The following CACNA1D variants were observed in gnomAD, a reference collection of about 807,000 sequenced individuals.
CACNA1D encodes the protein voltage-dependent L-type calcium channel subunit alpha-1D.
CACNA1D carries 55 observed loss-of-function variants against 257.1 expected under a neutral mutation model. That is an observed-to-expected ratio of 0.21 (90% CI 0.17 to 0.27). CACNA1D has a LOEUF of 0.27. Ranked by LOEUF, CACNA1D falls within the 10% of genes least tolerant of loss-of-function variation. The pLI is 1.00. For synonymous variants in CACNA1D, 980 were observed against 1,014.9 expected (o/e 0.97, Z 0.65); for missense variants, 1,876 against 2,784.0 (o/e 0.67, Z 7.34).
At chr3:53,753,795 T>C in intron 29 of CACNA1D, 113 bp downstream of exon 29, 1 of 735,274 alleles carries the variant, frequency 1.4e-6, no homozygotes. Context: ...GGCCGCTAAC[T>C]GGGTTACCAC....
Position 53,737,643 on chromosome 3 carries a change from C to T in CACNA1D, c.2751+2140C>T, listed in dbSNP as rs1487514540. ...TTCAAGACCTGCCTGGCCAACATGG[C>T]GAAACCCCATCTCTACTAAAAATAC... On this transcript the variant is annotated intron_variant, in intron 20 of 47. Coordinates refer to ENST00000350061, the MANE Select transcript of CACNA1D (RefSeq NM_001128840.3). Among the ~76,000 whole-genome samples the T allele has an allele frequency of 2.6e-5, 4 of 152,162 alleles. No homozygotes were observed. The East Asian group carries it at 5.8e-4, about 22-fold the overall frequency.
In CACNA1D at chr3:53,747,332, T is replaced by C. The variant is rs1265964727; in HGVS notation, c.3198T>C (p.Asp1066=). The part of the protein sequence containing the change: ...RGLFILYKDG[D]VDSPVVRERI... ...TTTTCATCCTCTACAAGGATGGGGA[T>C]GTTGACAGTCCTGTGGTCCGTGAAC... The change falls in exon 26 of 48, where the codon GAT becomes GAC. Residue 1066 remains aspartate, a synonymous_variant. Coordinates refer to ENST00000350061, the MANE Select transcript of CACNA1D (RefSeq NM_001128840.3). 8 of 1,613,938 alleles carry C rather than the reference T, an allele frequency of 5.0e-6. No individual in the cohort carries two copies. The Admixed American group carries it at 1.2e-4, about 24-fold the overall frequency.
chr3:53,608,049 A>G (rs2093535468), intron 3 of CACNA1D, among the ~76,000 whole-genome samples: 1 of 152,140 alleles, frequency 6.6e-6, no homozygotes, highest in Admixed American at 6.6e-5. Context: ...CCCTGTTTAG[A>G]TTTTGATTGG....
At chr3:53,581,118 C>T (rs1049193759) in intron 3 of CACNA1D, among the ~76,000 whole-genome samples, 43 of 152,142 alleles carry the variant, frequency 2.8e-4, no homozygotes, top group Non-Finnish European at 5.7e-4. Context: ...TTATCCAGCT[C>T]ACAAGAAAGA....
intron 7 of CACNA1D, 61 bp from the exon 8 acceptor site, chr3:53,672,962 C>T: frequency 5.7e-6 from 6 of 1,056,964 alleles, no homozygotes; most frequent in Non-Finnish European, 8.6e-6. Flanking sequence ...TAATGTGACC[C>T]TCTCTCCTTA....
intron 3 of CACNA1D, among the ~76,000 whole-genome samples, chr3:53,524,708 G>A (rs1193221796): frequency 1.3e-5 from 2 of 152,164 alleles, no homozygotes; most frequent in East Asian, 3.9e-4. Context: ...TCTGGTTGGA[G>A]CAGAGTAAGT....
chr3:53,720,688 CAGTT>C (rs1351400241), intron 11 of CACNA1D, among the ~76,000 whole-genome samples: 1 of 152,190 alleles, frequency 6.6e-6, no homozygotes, highest in Non-Finnish European at 1.5e-5. Flanking sequence ...ATTAAAATCA[CAGTT>C]AGATACCACT....
Position 53,789,218 on chromosome 3 carries a change from C to T in CACNA1D, c.4923+2266C>T, listed in dbSNP as rs1195632968. On this transcript the variant is annotated intron_variant, in intron 40 of 47. Coordinates refer to ENST00000350061, the MANE Select transcript of CACNA1D (RefSeq NM_001128840.3). This position sits in a 1 kb window ranked among gnomAD's most constrained non-coding sequence, Gnocchi z 4.2. ...CAGTTAGATGATACCAACATATTTTCGCATGGCTCCATTGGGAGCTGAAGC... is the reference window on the plus strand; with the variant it reads ...CAGTTAGATGATACCAACATATTTTTGCATGGCTCCATTGGGAGCTGAAGC... 6.6e-6 allele frequency among the ~76,000 whole-genome samples: 1 copy of T among 152,168 alleles called. No homozygotes were observed. Among genetic ancestry groups the T allele is most frequent in the Non-Finnish European group, 1.5e-5 (1 of 68,042 alleles).
Position 53,718,377 on chromosome 3 carries a change from T to C in CACNA1D, c.1467T>C (p.Cys489=). The change falls in exon 10 of 48, where the codon TGT becomes TGC. Residue 489 remains cysteine (C), a synonymous_variant. Coordinates refer to ENST00000350061, the MANE Select transcript of CACNA1D (RefSeq NM_001128840.3). ...VSGEGENRGC[C]GSLCQAISKS... ...GTGAAGGCGAGAACCGAGGCTGCTG[T>C]GGAAGTCTCTGGTGAGTGTGGGGAG... 1 of 1,613,780 alleles carries C rather than the reference T, an allele frequency of 6.2e-7. No individual in the cohort carries two copies. The highest frequency in any genetic ancestry group is 8.5e-7 in the Non-Finnish European group (1 of 1,179,678).
intron 3 of CACNA1D, among the ~76,000 whole-genome samples, chr3:53,517,232 C>G (rs1433565152): frequency 6.6e-6 from 1 of 150,596 alleles, no homozygotes; most frequent in East Asian, 2.0e-4. Context: ...CCTAATCCCT[C>G]ACTGCAAGGC....
intron 3 of CACNA1D, among the ~76,000 whole-genome samples, chr3:53,586,838 A>G (rs1368100790): frequency 6.6e-6 from 1 of 152,204 alleles, no homozygotes; most frequent in African/African-American, 2.4e-5. Context: ...GTTGAACTTC[A>G]TGAAGAAGAT....
At chr3:53,729,941 A>G (rs1051161821) in intron 15 of CACNA1D, among the ~76,000 whole-genome samples, 1 of 152,228 alleles carries the variant, frequency 6.6e-6, no homozygotes, top group Non-Finnish European at 1.5e-5. Context: ...AAAGTCTCAT[A>G]CTGTCTTGTG....
At chr3:53,669,916 T>C (rs947128278) in intron 7 of CACNA1D, among the ~76,000 whole-genome samples, 1 of 152,256 alleles carries the variant, frequency 6.6e-6, no homozygotes, top group African/African-American at 2.4e-5. Context: ...CTTCTCAAGA[T>C]GCAGAAATAA....
At chr3:53,802,008 T>C in intron 42 of CACNA1D, 139 bp from the exon 43 acceptor site, 2 of 787,682 alleles carry the variant, frequency 2.5e-6, no homozygotes, top group Non-Finnish European at 4.6e-6. Flanking sequence ...CAAGGCCAGG[T>C]GGCAGCCCCT....
At chr3:53,667,085 A>C (rs2094272806) in intron 7 of CACNA1D, among the ~76,000 whole-genome samples, 1 of 152,176 alleles carries the variant, frequency 6.6e-6, no homozygotes, top group Non-Finnish European at 1.5e-5. Flanking sequence ...ACTATAAATC[A>C]TCCCAGCACA....
chr3:53,549,182 C>T (rs1472985581), intron 3 of CACNA1D, among the ~76,000 whole-genome samples: 1 of 152,192 alleles, frequency 6.6e-6, no homozygotes, highest in Non-Finnish European at 1.5e-5. Flanking sequence ...CTCTACAGAT[C>T]AGAGGATGGC....
At chr3:53,805,287 A>T (rs1264904438) in intron 45 of CACNA1D, 141 bp downstream of exon 45, 2 of 756,504 alleles carry the variant, frequency 2.6e-6, no homozygotes, top group Non-Finnish European at 4.5e-6. Context: ...CCAGCCAGAG[A>T]GTGTGTCTGC....
intron 3 of CACNA1D, among the ~76,000 whole-genome samples, chr3:53,650,231 GAGA>G (rs2094075065): frequency 6.6e-6 from 1 of 152,330 alleles, no homozygotes; most frequent in African/African-American, 2.4e-5. Flanking sequence ...TCCAGAGGAG[GAGA>G]AGGACTTGTC....
At chr3:53,613,575 A>G (rs1357316841) in intron 3 of CACNA1D, among the ~76,000 whole-genome samples, 1 of 151,822 alleles carries the variant, frequency 6.6e-6, no homozygotes, top group African/African-American at 2.4e-5. Flanking sequence ...TATGGATTCA[A>G]ATATTTTAAA....
Sources: allele counts gnomAD v4.1 joint callset (sites outside exome capture counted in the v4.1 genomes callset), GRCh38; gene constraint gnomAD v4.1.1; non-coding constraint Gnocchi (gnomAD v3.1); transcripts MANE v1.5; gene names NCBI Gene and HGNC (gene_info 2026-07-23, HGNC 2026-07-21).